The following BPIFB1 variants were observed in gnomAD, a reference collection of about 807,000 sequenced individuals.
The protein encoded by BPIFB1 is BPI fold-containing family B member 1.
Under a neutral mutation model 55.1 loss-of-function variants are expected in BPIFB1, and 34 were observed. The observed-to-expected ratio is 0.62, with a 90% CI of 0.47 to 0.82. The LOEUF (loss-of-function observed/expected upper bound fraction) is 0.82. BPIFB1 is among the 40% of genes least tolerant of loss of function. BPIFB1 has a pLI of 0.00. For missense variants in BPIFB1, 532 were observed against 593.1 expected, an observed-to-expected ratio of 0.90 and a Z score of 1.07; for synonymous variants, 236 against 245.3, an observed-to-expected ratio of 0.96 and a Z score of 0.35.
chr20:33,301,471 T>C, intron 9 of BPIFB1, 59 bp downstream of exon 9: 1 of 1,531,918 alleles, frequency 6.5e-7, no homozygotes, highest in Non-Finnish European at 8.9e-7. Context: ...AGGAATTTCC[T>C]GAACACAGGG....
At chr20:33,295,897 A>C (rs925872276) in intron 6 of BPIFB1, among the ~76,000 whole-genome samples, 4 of 137,184 alleles carry the variant, frequency 2.9e-5, no homozygotes, top group African/African-American at 1.1e-4. Flanking sequence ...GAAGGAAAGA[A>C]GGAAGGAAGG....
intron 10 of BPIFB1, 34 bp downstream of exon 10, chr20:33,302,446 G>A (rs1371829536): frequency 1.9e-6 from 3 of 1,611,736 alleles, no homozygotes; most frequent in African/African-American, 2.7e-5. Flanking sequence ...CTTGAGGGGT[G>A]TTTGCTGTGG....
rs577553279 is a variant in BPIFB1 at position 33,290,057 on chromosome 20, G to T, written c.365+65G>T. 4 of 1,246,170 alleles carry T rather than the reference G, an allele frequency of 3.2e-6. No homozygotes were observed. In the Admixed American group the frequency reaches 5.3e-5, roughly 16 times the overall value. 77.2% of individuals were successfully genotyped at this position (1,246,170 alleles called of 1,614,324 possible). A position where few individuals can be genotyped will look rare whatever the true frequency, so the allele number is the denominator to read the frequency against. ...CTCATCTGCTCGTTCCCCCTCCCCC[G>T]CCCCCACCATGCAGGTGTCTGGAAA... On this transcript the variant is annotated intron_variant, in intron 4 of 15. Coordinates refer to ENST00000253354, the MANE Select transcript of BPIFB1 (RefSeq NM_033197.3).
At chr20:33,293,221 C>T (rs539719544) in intron 6 of BPIFB1, among the ~76,000 whole-genome samples, 5 of 152,264 alleles carry the variant, frequency 3.3e-5, no homozygotes, top group South Asian at 4.1e-4. Flanking sequence ...CTGTGCCTGG[C>T]GACTTTTTTC....
chr20:33,302,665 CT>C (rs1980891188), intron 10 of BPIFB1: 2 of 624,298 alleles, frequency 3.2e-6, no homozygotes, highest in Admixed American at 5.6e-5. Context: ...CTCTGGGCCC[CT>C]GATACAGTCT....
chr20:33,309,393 G>C lies in BPIFB1; in HGVS notation c.1396-315G>C, dbSNP rs79517942. 2.7e-3 allele frequency among the ~76,000 whole-genome samples: 415 copies of C among 152,276 alleles called. 1 individual carries two copies. The highest frequency in any genetic ancestry group is 9.4e-3 in the African/African-American group (390 of 41,562). On this transcript the variant is annotated intron_variant, in intron 15 of 15. Coordinates refer to ENST00000253354, the MANE Select transcript of BPIFB1 (RefSeq NM_033197.3). The surrounding 1 kb of genome is among the most constrained non-coding windows in gnomAD (Gnocchi z 4.4). ...ATGCAGAGGAGGGGCCCAAAGCAGG[G>C]GGTGATCAAGGCGGGTGCTAAGTGC...
chr20:33,305,623 A>G (rs1980999159), intron 13 of BPIFB1, among the ~76,000 whole-genome samples: 1 of 152,070 alleles, frequency 6.6e-6, no homozygotes, highest in African/African-American at 2.4e-5. Flanking sequence ...GGTGACTAAT[A>G]TTTTAAAACA....
intron 4 of BPIFB1, 36 bp downstream of exon 4, chr20:33,290,028 C>T (rs775158421): frequency 6.7e-7 from 1 of 1,502,168 alleles, no homozygotes; most frequent in Non-Finnish European, 9.3e-7. Flanking sequence ...GTAGGCTTGA[C>T]AGGCTCATCT....
chr20:33,291,620 G>A (rs1182822765), intron 5 of BPIFB1, among the ~76,000 whole-genome samples: 5 of 152,066 alleles, frequency 3.3e-5, no homozygotes, highest in Admixed American at 1.3e-4. Flanking sequence ...AAAACATGGC[G>A]CCCCCCCTTC....
At chr20:33,283,656 A>G (rs1191390605) in intron 1 of BPIFB1, among the ~76,000 whole-genome samples, 6 of 152,118 alleles carry the variant, frequency 3.9e-5, no homozygotes, top group African/African-American at 1.4e-4. Context: ...GGAGTGGAGG[A>G]CAGTCAAAGA....
Position 33,297,478 on chromosome 20 carries a change from G to T in BPIFB1, c.598-47G>T, listed in dbSNP as rs772498090. ...CACAGCCCGGGGCTGCTGTGGGGCTGCATTCTGGCCCCTCCCTGATGGAGC... is the reference window on the plus strand; with the variant it reads ...CACAGCCCGGGGCTGCTGTGGGGCTTCATTCTGGCCCCTCCCTGATGGAGC... On this transcript the variant is annotated intron_variant, in intron 6 of 15. Coordinates refer to ENST00000253354, the MANE Select transcript of BPIFB1 (RefSeq NM_033197.3). 10 of 1,602,250 alleles carry T rather than the reference G, an allele frequency of 6.2e-6. No homozygotes were observed. In the South Asian group the frequency reaches 1.1e-4, roughly 18 times the overall value.
intron 7 of BPIFB1, 173 bp downstream of exon 7, chr20:33,297,761 G>A (rs745954892): frequency 7.6e-5 from 52 of 681,944 alleles, no homozygotes; most frequent in South Asian, 2.3e-4. Context: ...ACAGAAATTC[G>A]CCACGACTAG....
At chr20:33,286,572 T>C (rs1980272208) in intron 2 of BPIFB1, among the ~76,000 whole-genome samples, 1 of 152,208 alleles carries the variant, frequency 6.6e-6, no homozygotes, top group African/African-American at 2.4e-5. Context: ...ACTGCAAGTG[T>C]GGCAGCCTGG....
chr20:33,286,282 A>T lies in BPIFB1; in HGVS notation c.115+94A>T, dbSNP rs970107436. On this transcript the variant is annotated intron_variant, in intron 2 of 15. Transcript: ENST00000253354. ...GGGAGAGAGTTCCTCATCACGGGGG[A>T]TGTGCATGGCTGAGATCCCAGAACG... 8.1e-6 allele frequency: 9 copies of T among 1,107,780 alleles called. No individual in the cohort carries two copies. In the African/African-American group the frequency reaches 1.4e-4, roughly 17 times the overall value. The allele number at this position is 1,107,780 out of a possible 1,614,324, so 68.6% of individuals were successfully genotyped here.
At position 33,288,826 on chromosome 20, in the gene BPIFB1, C is replaced by G; in HGVS notation, c.201C>G (p.Ala67=). The part of the protein sequence containing the change: ...PLLSAMREKP[A]GGIPVLGSLV... ...TCAGTGCCATGCGGGAAAAGCCAGC[C>G]GGAGGCATCCCTGTGCTGGGCAGCC... is the stretch of plus-strand genomic sequence containing the variant. Residue 67 remains alanine (A), a synonymous_variant, in exon 3 of 16, where the codon GCC becomes GCG. Coordinates refer to ENST00000253354, the MANE Select transcript of BPIFB1 (RefSeq NM_033197.3). The G allele has an allele frequency of 6.2e-7, 1 of 1,614,026 alleles. No homozygotes were observed. Among genetic ancestry groups the G allele is most frequent in the Non-Finnish European group, 8.5e-7 (1 of 1,180,040 alleles).
intron 7 of BPIFB1, chr20:33,298,997 C>A (rs1171912213): frequency 1.5e-5 from 3 of 196,852 alleles, no homozygotes; most frequent in Non-Finnish European, 9.8e-6. Context: ...TTTTTGGAGA[C>A]GGACCTTTTT....
intron 6 of BPIFB1, among the ~76,000 whole-genome samples, chr20:33,293,864 C>CAA (rs61428926): frequency 0.13 from 19,285 of 152,074 alleles, 3,998 homozygotes; most frequent in African/African-American, 0.43. Flanking sequence ...ATAAATAACA[C>CAA]TGCTTTATAT....
intron 11 of BPIFB1, among the ~76,000 whole-genome samples, chr20:33,303,405 C>T (rs963349080): frequency 6.6e-6 from 1 of 152,188 alleles, no homozygotes; most frequent in African/African-American, 2.4e-5. Context: ...CTCCTCTCTC[C>T]CACCTAGCAG....
chr20:33,302,264 G>C, intron 9 of BPIFB1, 95 bp from the exon 10 acceptor site: 1 of 1,340,022 alleles, frequency 7.5e-7, no homozygotes, highest in South Asian at 1.2e-5. Context: ...CAGCTTTTCT[G>C]GGGTCCTGGG....
Sources: allele counts gnomAD v4.1 joint callset (sites outside exome capture counted in the v4.1 genomes callset), GRCh38; gene constraint gnomAD v4.1.1; non-coding constraint Gnocchi (gnomAD v3.1); transcripts MANE v1.5; gene names NCBI Gene and HGNC (gene_info 2026-07-23, HGNC 2026-07-21).